The following PTER variants were observed in gnomAD, a reference collection of about 807,000 sequenced individuals.
PTER encodes N-acetyltaurine hydrolase.
In PTER, 38 loss-of-function variants were observed where a neutral mutation model predicts 29.6. That is an observed-to-expected ratio of 1.28 (90% CI 0.99 to 1.68). The LOEUF is 1.68. PTER is among the 40% of genes most tolerant of loss of function. The pLI is 0.00. For missense variants in PTER, 482 were observed against 427.8 expected (o/e 1.13, Z -1.12); for synonymous variants, 172 against 154.5 (o/e 1.11, Z -0.84).
rs779273798 is a variant in PTER at position 16,505,131 on chromosome 10, C to A, written c.810C>A (p.Asp270Glu). ...LLHYQLGPDIDMPDDNKRIRR... is the reference protein window; with the variant it reads ...LLHYQLGPDIEMPDDNKRIRR... ...ATTACCAACTCGGCCCAGATATTGA[C>A]ATGCCTGATGATAACAAAAGAATTA... Residue 270 changes from aspartate to glutamate, a missense_variant, in exon 4 of 5, where the codon GAC (aspartate) becomes GAA (glutamate). Transcript: ENST00000535784. The A allele has an allele frequency of 3.7e-6, 6 of 1,613,978 alleles. No homozygotes were observed. In the Admixed American group the frequency reaches 6.7e-5, roughly 18 times the overall value.
downstream of PTER, among the ~76,000 whole-genome samples, chr10:16,517,524 T>C (rs1836969879): frequency 6.6e-6 from 1 of 152,224 alleles, no homozygotes. Context: ...TTCTTCATGT[T>C]TTCTGCTAAA....
intron 1 of PTER, among the ~76,000 whole-genome samples, chr10:16,474,319 A>G (rs1835173219): frequency 1.3e-5 from 2 of 152,362 alleles, no homozygotes; most frequent in South Asian, 2.1e-4. Flanking sequence ...TACAAAAGTC[A>G]AGAAAAGAAT....
intron 4 of PTER, among the ~76,000 whole-genome samples, chr10:16,510,133 T>A (rs554341425): frequency 6.6e-6 from 1 of 152,178 alleles, no homozygotes; most frequent in Admixed American, 6.5e-5. Context: ...AGAAGAGCCA[T>A]TGTCTGTGAG....
rs1835692308 is a variant in PTER, at chr10:16,486,340, A to G, written c.433-12A>G. Reference sequence around the variant, plus strand: ...CAACCTATAAAATATATTCCTTCTCACTCTTCCTTAGCTTACCGATGTCCT... The same window carrying G: ...CAACCTATAAAATATATTCCTTCTCGCTCTTCCTTAGCTTACCGATGTCCT... On this transcript the variant is annotated splice_polypyrimidine_tract_variant and intron_variant, in intron 2 of 4. Transcript: ENST00000535784. 1 of 1,602,282 alleles carries G rather than the reference A, an allele frequency of 6.2e-7. No individual in the cohort carries two copies. The highest frequency in any genetic ancestry group is 1.3e-5 in the African/African-American group (1 of 74,368).
chr10:16,489,148 A>T (rs1835806689), intron 3 of PTER, among the ~76,000 whole-genome samples: 1 of 152,132 alleles, frequency 6.6e-6, no homozygotes, highest in Admixed American at 6.5e-5. Context: ...TAATTTCTTC[A>T]GTTTGATCTT....
In PTER at chr10:16,484,373, G is replaced by T. The variant is rs1466096763; in HGVS notation, c.-12G>T. ...CCTCTTTTTAGAACATCTCTTGGTGGTACCATCAGAAATGTCTTCCTTAAG... is the reference window on the plus strand; with the variant it reads ...CCTCTTTTTAGAACATCTCTTGGTGTTACCATCAGAAATGTCTTCCTTAAG... On this transcript the variant is annotated 5_prime_UTR_variant, in exon 2 of 5. Coordinates refer to ENST00000535784, the MANE Select transcript of PTER (RefSeq NM_001261836.2). 3 of 1,563,046 alleles carry T rather than the reference G, an allele frequency of 1.9e-6. No homozygotes were observed. The highest frequency in any genetic ancestry group is 2.6e-6 in the Non-Finnish European group (3 of 1,160,260).
At chr10:16,449,383 A>G (rs1345667196) in intron 1 of PTER, among the ~76,000 whole-genome samples, 2 of 144,754 alleles carry the variant, frequency 1.4e-5, no homozygotes, top group East Asian at 2.1e-4. Flanking sequence ...CTATTAAAAG[A>G]TGTTCTTCCA....
intron 4 of PTER, among the ~76,000 whole-genome samples, chr10:16,507,007 A>C (rs576611388): frequency 1.3e-5 from 2 of 151,916 alleles, no homozygotes; most frequent in East Asian, 3.9e-4. Context: ...GCGTACAAGC[A>C]GAAAATGGGA....
At chr10:16,484,136 A>G (rs562020118) in intron 1 of PTER, among the ~76,000 whole-genome samples, 1 of 152,274 alleles carries the variant, frequency 6.6e-6, no homozygotes, top group East Asian at 1.9e-4. Flanking sequence ...GGTGGGAGGC[A>G]ATTAACACCA....
At chr10:16,500,929 A>AT (rs1836312178) in intron 3 of PTER, among the ~76,000 whole-genome samples, 1 of 150,048 alleles carries the variant, frequency 6.7e-6, no homozygotes, top group Admixed American at 6.6e-5. Context: ...CTTTTATTTT[A>AT]TTTTTTTATT....
At chr10:16,485,429 A>G (rs1835657538) in intron 2 of PTER, among the ~76,000 whole-genome samples, 1 of 152,186 alleles carries the variant, frequency 6.6e-6, no homozygotes, top group Non-Finnish European at 1.5e-5. Flanking sequence ...TTGCACGTGT[A>G]TGTGTTCTCT....
chr10:16,508,172 C>T (rs899448634), intron 4 of PTER, among the ~76,000 whole-genome samples: 1 of 151,406 alleles, frequency 6.6e-6, no homozygotes. Context: ...AGGTTCACGC[C>T]ATTCTCCTAC....
At chr10:16,470,533 C>T (rs1443886900) in intron 1 of PTER, among the ~76,000 whole-genome samples, 8 of 152,192 alleles carry the variant, frequency 5.3e-5, no homozygotes, top group Non-Finnish European at 2.9e-5. Context: ...TTTGGGAGAT[C>T]GAGGCAGGCA....
intron 1 of PTER, among the ~76,000 whole-genome samples, chr10:16,480,343 G>A (rs1022126855): frequency 6.6e-6 from 1 of 151,644 alleles, no homozygotes; most frequent in African/African-American, 2.4e-5. Context: ...TGACAGACAT[G>A]TGCCACCAGG....
chr10:16,484,158 T>A (rs1835588986), intron 1 of PTER, among the ~76,000 whole-genome samples, 179 bp from the exon 2 acceptor site: 1 of 152,108 alleles, frequency 6.6e-6, no homozygotes. Flanking sequence ...GCACGTCACT[T>A]AGATCTGCAG....
intron 1 of PTER, among the ~76,000 whole-genome samples, chr10:16,476,997 C>A (rs776504322): frequency 6.7e-5 from 10 of 148,900 alleles, no homozygotes; most frequent in Admixed American, 3.4e-4. Flanking sequence ...CCTCTGGCTT[C>A]CAGGCTCAAG....
intron 4 of PTER, among the ~76,000 whole-genome samples, chr10:16,508,171 C>A (rs1836659549): frequency 6.6e-6 from 1 of 151,054 alleles, no homozygotes; most frequent in Non-Finnish European, 1.5e-5. Flanking sequence ...CAGGTTCACG[C>A]CATTCTCCTA....
intron 1 of PTER, among the ~76,000 whole-genome samples, chr10:16,471,138 T>G (rs1835037499): frequency 6.6e-6 from 1 of 152,170 alleles, no homozygotes; most frequent in African/African-American, 2.4e-5. Flanking sequence ...TGAATTGAAT[T>G]AAAATGAACC....
intron 3 of PTER, among the ~76,000 whole-genome samples, chr10:16,487,009 A>G (rs899093855): frequency 6.6e-6 from 1 of 152,218 alleles, no homozygotes; most frequent in African/African-American, 2.4e-5. Flanking sequence ...GTTATCACAC[A>G]TATAAAGGGA....
Sources: allele counts gnomAD v4.1 joint callset (sites outside exome capture counted in the v4.1 genomes callset), GRCh38; gene constraint gnomAD v4.1.1; transcripts MANE v1.5; gene names NCBI Gene and HGNC (gene_info 2026-07-23, HGNC 2026-07-21).